VPS54: variants seen among roughly 807,000 people sequenced by gnomAD.
VPS54 encodes the protein vacuolar protein sorting-associated protein 54.
A neutral mutation model predicts 121.5 loss-of-function variants in VPS54; 45 were observed. The observed-to-expected ratio is 0.37, with a 90% CI of 0.29 to 0.47. The LOEUF is 0.47. Ranked by LOEUF, VPS54 falls within the 20% of genes least tolerant of loss-of-function variation. The pLI is 0.99. For missense variants in VPS54, 1,090 were observed against 1,131.4 expected (o/e 0.96, Z 0.52); for synonymous variants, 371 against 385.8 (o/e 0.96, Z 0.45).
chr2:63,892,539 A>G lies in VPS54; in HGVS notation c.*891T>C, dbSNP rs1036435768. On this transcript the variant is annotated 3_prime_UTR_variant, in exon 23 of 23. Coordinates refer to ENST00000272322, the MANE Select transcript of VPS54 (RefSeq NM_016516.3). Reference sequence around the variant, plus strand: ...CAAGGATCCAAGGGGGCCATACTTCATATGTTATCTAAATGTTAATATGAG... The same window carrying G: ...CAAGGATCCAAGGGGGCCATACTTCGTATGTTATCTAAATGTTAATATGAG... The G allele has an allele frequency of 3.3e-5, 5 of 152,622 alleles. No homozygotes were observed. Among genetic ancestry groups the G allele is most frequent in the Middle Eastern group, 3.2e-3 (1 of 316 alleles). 9.5% of individuals were successfully genotyped at this position (152,622 alleles called of 1,614,324 possible). A position where few individuals can be genotyped will look rare whatever the true frequency, so the allele number is the denominator to read the frequency against.
intron 16 of VPS54, 58 bp downstream of exon 16, chr2:63,916,842 T>C: frequency 1.9e-6 from 3 of 1,546,526 alleles, no homozygotes; most frequent in Non-Finnish European, 2.7e-6. Flanking sequence ...AAGGGAGAAC[T>C]AGAAGACTTG....
At chr2:63,897,693 T>A in intron 21 of VPS54, 103 bp from the exon 22 acceptor site, 1 of 664,000 alleles carries the variant, frequency 1.5e-6, no homozygotes, top group Non-Finnish European at 2.4e-6. Context: ...ACCAAAACCT[T>A]TGCTTTGACA....
intron 12 of VPS54, 82 bp downstream of exon 12, chr2:63,933,591 T>C: frequency 7.7e-7 from 1 of 1,291,862 alleles, no homozygotes; most frequent in Non-Finnish European, 1.1e-6. Context: ...GGTTTTTCAA[T>C]AAACTGAATA....
At chr2:64,008,645 C>T (rs1002003848) in intron 1 of VPS54, among the ~76,000 whole-genome samples, 6 of 152,132 alleles carry the variant, frequency 3.9e-5, no homozygotes, top group Non-Finnish European at 5.9e-5. Flanking sequence ...AGTTGCCTCA[C>T]ACCCTACTCC....
chr2:63,907,664 T>G lies in VPS54; in HGVS notation c.2625+4681A>C, dbSNP rs540302664. ...TGAAAGGAGAAGACAAGCCACAAAC[T>G]GGGAGAAAATACTTAGAAACCACAT... On this transcript the variant is annotated intron_variant, in intron 20 of 22. Transcript: ENST00000272322. Among the ~76,000 whole-genome samples, 13 of 152,000 alleles carry G rather than the reference T, an allele frequency of 8.6e-5. 2 individuals carry two copies. In the South Asian group the frequency reaches 2.7e-3, roughly 32 times the overall value.
At position 63,934,045 on chromosome 2, in the gene VPS54, C is replaced by T. The variant is rs368744285; in HGVS notation, c.1399-32G>A. 77 of 1,559,780 alleles carry T rather than the reference C, an allele frequency of 4.9e-5. No individual in the cohort carries two copies. In the Middle Eastern group the frequency reaches 2.4e-3, roughly 49 times the overall value. On this transcript the variant is annotated intron_variant, in intron 11 of 22. Coordinates refer to ENST00000272322, the MANE Select transcript of VPS54 (RefSeq NM_016516.3). ...GAAAATAGGACACACTTTTAAGGGA[C>T]GTAAAATGTCTCTTACCTGAAGTTC... is the stretch of plus-strand genomic sequence containing the variant.
chr2:63,984,241 A>G (rs1559039538), intron 1 of VPS54, among the ~76,000 whole-genome samples: 1 of 152,226 alleles, frequency 6.6e-6, no homozygotes, highest in Non-Finnish European at 1.5e-5. Context: ...TTAATATTTT[A>G]TTCAAAGTAC....
intron 1 of VPS54, among the ~76,000 whole-genome samples, chr2:64,011,388 A>G (rs1678422204): frequency 6.6e-6 from 1 of 152,158 alleles, no homozygotes; most frequent in Non-Finnish European, 1.5e-5. Context: ...CAACATGGTA[A>G]AACCCTGTCT....
intron 11 of VPS54, among the ~76,000 whole-genome samples, chr2:63,935,333 T>TCTATC (rs1674402148): frequency 6.6e-6 from 1 of 152,172 alleles, no homozygotes; most frequent in South Asian, 2.1e-4. Context: ...CTTCAAGAGC[T>TCTATC]TTAGGACCAA....
chr2:63,922,872 A>G (rs1673708209), intron 12 of VPS54, among the ~76,000 whole-genome samples: 1 of 152,154 alleles, frequency 6.6e-6, no homozygotes, highest in African/African-American at 2.4e-5. Context: ...ACTCTTGGCA[A>G]TATCCTACCA....
chr2:64,003,565 T>C (rs1377666104), intron 1 of VPS54, among the ~76,000 whole-genome samples: 1 of 152,192 alleles, frequency 6.6e-6, no homozygotes, highest in African/African-American at 2.4e-5. Flanking sequence ...CTGTCATACA[T>C]ATAATAAAAA....
chr2:63,902,654 A>G lies in VPS54; in HGVS notation c.2626-3073T>C, dbSNP rs553616075. Among the ~76,000 whole-genome samples, 10 of 152,300 alleles carry G rather than the reference A, an allele frequency of 6.6e-5. No homozygotes were observed. The East Asian group carries it at 1.9e-3, about 29-fold the overall frequency. On this transcript the variant is annotated intron_variant, in intron 20 of 22. Transcript: ENST00000272322. ...ACTGAGAGAGAATCCAGATGTTGAA[A>G]CGATTAGAGGGAGATATAAAAATAA...
intron 3 of VPS54, among the ~76,000 whole-genome samples, chr2:63,976,004 A>T (rs1285467672): frequency 6.6e-6 from 1 of 152,210 alleles, no homozygotes; most frequent in Non-Finnish European, 1.5e-5. Flanking sequence ...TGCTGGGATT[A>T]CAGGCGTGAG....
intron 1 of VPS54, among the ~76,000 whole-genome samples, chr2:64,005,951 T>C (rs959029429): frequency 6.6e-6 from 1 of 152,144 alleles, no homozygotes; most frequent in African/African-American, 2.4e-5. Flanking sequence ...AACCACCATA[T>C]ATGAGGAAAC....
At chr2:63,935,908 G>A (rs900648573) in intron 11 of VPS54, among the ~76,000 whole-genome samples, 3 of 152,148 alleles carry the variant, frequency 2.0e-5, no homozygotes, top group East Asian at 1.9e-4. Context: ...TTTGGTGACT[G>A]AGGAAGGAAA....
At chr2:63,952,008 T>C (rs1675274215) in intron 7 of VPS54, among the ~76,000 whole-genome samples, 1 of 152,188 alleles carries the variant, frequency 6.6e-6, no homozygotes. Flanking sequence ...GGTAGCTCCC[T>C]AGTCATTCAT....
chr2:63,954,695 T>C (rs1311814772), intron 7 of VPS54, among the ~76,000 whole-genome samples: 1 of 152,072 alleles, frequency 6.6e-6, no homozygotes. Context: ...TACACACCAC[T>C]GTCTATTAGG....
chr2:64,018,473 G>A (rs1368575239), intron 1 of VPS54, among the ~76,000 whole-genome samples: 2 of 152,160 alleles, frequency 1.3e-5, no homozygotes, highest in Non-Finnish European at 2.9e-5. Context: ...AAGCTACATT[G>A]CCAAAATGCA....
At chr2:63,964,010 A>C (rs969585689) in intron 6 of VPS54, among the ~76,000 whole-genome samples, 25 of 152,206 alleles carry the variant, frequency 1.6e-4, no homozygotes, top group Admixed American at 1.3e-3. Context: ...ATTCCAGTGC[A>C]AACTCCTTAT....
Sources: gnomAD v4.1 joint callset for allele counts (sites outside exome capture counted in the v4.1 genomes callset) on GRCh38, gnomAD v4.1.1 for gene constraint, MANE v1.5 for transcripts, NCBI Gene and HGNC (gene_info 2026-07-23, HGNC 2026-07-21) for gene names.